Variants in CCDC150 observed in about 807,000 individuals in gnomAD.
CCDC150 encodes coiled-coil domain containing 150.
Under a neutral mutation model 156.5 loss-of-function variants are expected in CCDC150, and 151 were observed. The observed-to-expected ratio is 0.97, with a 90% CI of 0.85 to 1.10. CCDC150 has a LOEUF of 1.10. Ranked by LOEUF, CCDC150 falls within the 50% of genes least tolerant of loss-of-function variation. The pLI is 0.00. For missense variants in CCDC150, 1,312 were observed against 1,268.1 expected, an observed-to-expected ratio of 1.03 and a Z score of -0.53; for synonymous variants, 452 against 429.4, an observed-to-expected ratio of 1.05 and a Z score of -0.65.
intron 1 of CCDC150, among the ~76,000 whole-genome samples, chr2:196,642,535 T>A (rs1692290349): frequency 6.6e-6 from 1 of 152,204 alleles, no homozygotes; most frequent in Non-Finnish European, 1.5e-5. Flanking sequence ...ATCTCATACT[T>A]TAACAGCCTC....
chr2:196,719,776 ATTG>A, intron 19 of CCDC150, 110 bp downstream of exon 19: 2 of 667,904 alleles, frequency 3.0e-6, no homozygotes, highest in Non-Finnish European at 4.5e-6. Flanking sequence ...AAAAAAAAAA[ATTG>A]CAAAATGATA....
chr2:196,691,541 G>C (rs1695473786), intron 13 of CCDC150, among the ~76,000 whole-genome samples: 1 of 151,978 alleles, frequency 6.6e-6, no homozygotes, highest in Non-Finnish European at 1.5e-5. Flanking sequence ...TATTTCTGTG[G>C]GGTCAGTGGT....
intron 16 of CCDC150, 183 bp from the exon 17 acceptor site, chr2:196,712,494 G>T (rs917244792): frequency 2.9e-5 from 17 of 591,946 alleles, no homozygotes; most frequent in Non-Finnish European, 4.6e-5. Context: ...GTTAGGAAAT[G>T]TACTCCATAA....
At chr2:196,710,798 A>T (rs1322077664) in intron 15 of CCDC150, among the ~76,000 whole-genome samples, 1 of 152,198 alleles carries the variant, frequency 6.6e-6, no homozygotes, top group East Asian at 1.9e-4. Context: ...TCAGCAAAAT[A>T]GTTAACTGTA....
At chr2:196,721,766 A>G (rs943229178) in intron 21 of CCDC150, 75 bp downstream of exon 21, 1 of 1,195,108 alleles carries the variant, frequency 8.4e-7, no homozygotes. Flanking sequence ...TAAATGGCTC[A>G]TTCGCATAAA....
intron 13 of CCDC150, among the ~76,000 whole-genome samples, chr2:196,693,201 A>G (rs542913836): frequency 6.6e-6 from 1 of 152,136 alleles, no homozygotes; most frequent in Admixed American, 6.5e-5. Flanking sequence ...TGACATGTCT[A>G]GGTTATATAG....
chr2:196,720,181 A>T (rs1559274837), intron 19 of CCDC150: 1 of 389,350 alleles, frequency 2.6e-6, no homozygotes, highest in Non-Finnish European at 5.2e-6. Flanking sequence ...TAGGTTAAAG[A>T]ATAAATGGTC....
rs1370529337 is a variant in CCDC150, at chr2:196,656,616, T to G, written c.177-17T>G. On this transcript the variant is annotated splice_polypyrimidine_tract_variant and intron_variant, in intron 2 of 27. Transcript: ENST00000389175. ...AATTGCATTGCATAATATTGTTATA[T>G]TGGGATCTTTGTCCAGAGGCTATTT... 1.1e-5 allele frequency: 17 copies of G among 1,554,630 alleles called. No individual in the cohort carries two copies. The highest frequency in any genetic ancestry group is 1.4e-5 in the Non-Finnish European group (16 of 1,136,736).
At chr2:196,678,457 A>G (rs1559236299) in intron 13 of CCDC150, among the ~76,000 whole-genome samples, 2 of 152,224 alleles carry the variant, frequency 1.3e-5, no homozygotes, top group African/African-American at 4.8e-5. Context: ...GGTTCTAGTG[A>G]TATGAAAATA....
In CCDC150 at chr2:196,730,113, T is replaced by A. The variant is rs1698447231; in HGVS notation, c.2977T>A (p.Cys993Ser). 2 of 1,601,286 alleles carry A rather than the reference T, an allele frequency of 1.2e-6. No homozygotes were observed. Among genetic ancestry groups the A allele is most frequent in the Non-Finnish European group, 1.7e-6 (2 of 1,174,952 alleles). The change falls in exon 25 of 28, where the codon TGC (cysteine) becomes AGC (serine). Residue 993 changes from cysteine (C) to serine (S), a missense_variant. Coordinates refer to ENST00000389175, the MANE Select transcript of CCDC150 (RefSeq NM_001080539.2). ...RKIRQELENR[C>S]QELEETVRHL... ...AATAAGGCAGGAGCTAGAGAATCGG[T>A]GCCAGGTAAAAGGTTTCCTAAGATT...
At chr2:196,691,094 G>T (rs1270979303) in intron 13 of CCDC150, among the ~76,000 whole-genome samples, 1 of 152,166 alleles carries the variant, frequency 6.6e-6, no homozygotes, top group Admixed American at 6.6e-5. Flanking sequence ...TATGCTGCTG[G>T]ATTCAGTTTG....
chr2:196,665,665 G>A lies in CCDC150; in HGVS notation c.744G>A (p.Val248=). ...LLKIQEMGST[V]EVERKQVHIL... The stretch of plus-strand genomic sequence containing the variant: ...AAATACAAGAAATGGGATCAACAGT[G>A]GAGGTAGAACGAAAACAGGTAGAAA... The change falls in exon 6 of 28, where the codon GTG becomes GTA. Residue 248 remains valine (V), a synonymous_variant. Transcript: ENST00000389175. 6.3e-7 allele frequency: 1 copy of A among 1,594,240 alleles called. No homozygotes were observed. The highest frequency in any genetic ancestry group is 1.1e-5 in the South Asian group (1 of 87,122).
chr2:196,706,386 A>T (rs751555015), intron 15 of CCDC150, among the ~76,000 whole-genome samples: 5 of 152,162 alleles, frequency 3.3e-5, no homozygotes, highest in Non-Finnish European at 5.9e-5. Flanking sequence ...TTTCTGAAGT[A>T]GCTTATCAGC....
intron 15 of CCDC150, among the ~76,000 whole-genome samples, chr2:196,711,339 T>C (rs769280917): frequency 1.3e-5 from 2 of 152,124 alleles, no homozygotes; most frequent in Non-Finnish European, 2.9e-5. Flanking sequence ...TTGCTGAAAA[T>C]GTCCAGTAGC....
At position 196,677,346 on chromosome 2, in the gene CCDC150, A is replaced by G. The variant is rs1015161285; in HGVS notation, c.1494A>G (p.Glu498=). 28 of 1,554,530 alleles carry G rather than the reference A, an allele frequency of 1.8e-5. No individual in the cohort carries two copies. The highest frequency in any genetic ancestry group is 2.4e-5 in the Non-Finnish European group (27 of 1,144,330). ...IVQERCNLEK[E]LAKNKVDINT... Reference sequence around the variant, plus strand: ...AAGAAAGATGCAATTTGGAAAAGGAATTAGCTAAAAACAAGGTATTCTTCA... The same window carrying G: ...AAGAAAGATGCAATTTGGAAAAGGAGTTAGCTAAAAACAAGGTATTCTTCA... The change falls in exon 13 of 28, where the codon GAA becomes GAG. Residue 498 remains glutamate (E), a synonymous_variant. Coordinates refer to ENST00000389175, the MANE Select transcript of CCDC150 (RefSeq NM_001080539.2).
At chr2:196,649,524 T>C (rs755078940) in intron 2 of CCDC150, among the ~76,000 whole-genome samples, 3 of 152,194 alleles carry the variant, frequency 2.0e-5, no homozygotes, top group East Asian at 1.9e-4. Flanking sequence ...CCAGGAGATA[T>C]AGCCTAGGTA....
Position 196,670,594 on chromosome 2 carries a change from C to T in CCDC150, c.936+718C>T, listed in dbSNP as rs1293242484. Among the ~76,000 whole-genome samples the T allele has an allele frequency of 2.0e-5, 3 of 147,764 alleles. No individual in the cohort carries two copies. In the East Asian group the frequency reaches 5.9e-4, roughly 29 times the overall value. On this transcript the variant is annotated intron_variant, in intron 8 of 27. Coordinates refer to ENST00000389175, the MANE Select transcript of CCDC150 (RefSeq NM_001080539.2). ...AACCACAGAACAAAGGTGTTTTCTTCTGCTCCACTCTCAGGTCCTTGTTTT... is the reference window on the plus strand; with the variant it reads ...AACCACAGAACAAAGGTGTTTTCTTTTGCTCCACTCTCAGGTCCTTGTTTT...
intron 13 of CCDC150, among the ~76,000 whole-genome samples, chr2:196,677,697 TA>T (rs898107679): frequency 3.3e-5 from 5 of 152,110 alleles, no homozygotes; most frequent in South Asian, 2.1e-4. Context: ...TGTTTTTAAA[TA>T]AAAAACTAAC....
intron 2 of CCDC150, among the ~76,000 whole-genome samples, chr2:196,649,918 A>G (rs866409254): frequency 1.1e-4 from 17 of 152,188 alleles, no homozygotes; most frequent in African/African-American, 3.9e-4. Flanking sequence ...TTTTCTGTAC[A>G]TGAGATTTTG....
Sources: gnomAD v4.1 joint callset for allele counts (sites outside exome capture counted in the v4.1 genomes callset) on GRCh38, gnomAD v4.1.1 for gene constraint, MANE v1.5 for transcripts, NCBI Gene and HGNC (gene_info 2026-07-23, HGNC 2026-07-21) for gene names.